The following ANKRD6 variants were observed in gnomAD, a reference collection of about 807,000 sequenced individuals.
The protein encoded by ANKRD6 is ankyrin repeat domain-containing protein 6.
ANKRD6 carries 56 observed loss-of-function variants against 82.3 expected under a neutral mutation model. The ratio of observed to expected loss-of-function variants is 0.68; its 90% CI spans 0.55 to 0.85. The LOEUF is 0.85. ANKRD6 is among the 40% of genes least tolerant of loss of function. ANKRD6 has a pLI of 0.00. For synonymous variants in ANKRD6, 347 were observed against 352.1 expected (o/e 0.99, Z 0.16); for missense variants, 852 against 907.6 (o/e 0.94, Z 0.79).
At chr6:89,468,787 A>G (rs1775132515) in intron 1 of ANKRD6, among the ~76,000 whole-genome samples, 1 of 152,148 alleles carries the variant, frequency 6.6e-6, no homozygotes, top group South Asian at 2.1e-4. Flanking sequence ...TGACAAATAT[A>G]GATGCTTTCC....
chr6:89,502,892 G>A (rs186081135), intron 1 of ANKRD6, among the ~76,000 whole-genome samples: 1 of 152,180 alleles, frequency 6.6e-6, no homozygotes, highest in East Asian at 1.9e-4. Context: ...TGGAGGTGGG[G>A]GTTGGCTGGT....
At chr6:89,577,587 G>A (rs1420904875) in intron 2 of ANKRD6, among the ~76,000 whole-genome samples, 2 of 152,194 alleles carry the variant, frequency 1.3e-5, no homozygotes, top group Non-Finnish European at 2.9e-5. Flanking sequence ...TCCCCAGGCA[G>A]AGTATCATTT....
At chr6:89,501,542 G>A (rs974400602) in intron 1 of ANKRD6, among the ~76,000 whole-genome samples, 1 of 152,184 alleles carries the variant, frequency 6.6e-6, no homozygotes, top group African/African-American at 2.4e-5. Context: ...TATTCACAGC[G>A]TGGCTTTTAC....
chr6:89,537,170 A>G (rs931014420), intron 1 of ANKRD6, among the ~76,000 whole-genome samples: 31 of 152,088 alleles, frequency 2.0e-4, no homozygotes, highest in Non-Finnish European at 3.2e-4. Flanking sequence ...GGCCTAGGGG[A>G]ATTTTGCTTT....
intron 2 of ANKRD6, among the ~76,000 whole-genome samples, chr6:89,575,302 G>A (rs1301232102): frequency 6.6e-6 from 1 of 152,178 alleles, no homozygotes; most frequent in Non-Finnish European, 1.5e-5. Context: ...CCTGCCTTGG[G>A]GGAAGAGGGA....
chr6:89,472,522 A>C (rs776740121), intron 1 of ANKRD6, among the ~76,000 whole-genome samples: 4 of 152,156 alleles, frequency 2.6e-5, no homozygotes, highest in Non-Finnish European at 5.9e-5. Context: ...GACTACACTT[A>C]TGATTTCTAT....
rs1000192295 is a variant in ANKRD6 at position 89,630,500 on chromosome 6, G to A, written c.1680G>A (p.Arg560=). 2 of 1,614,018 alleles carry A rather than the reference G, an allele frequency of 1.2e-6. No individual in the cohort carries two copies. The highest frequency in any genetic ancestry group is 1.7e-5 in the Admixed American group (1 of 60,026). ...CCGACAGCTCCCCTCCAGTGGTTAG[G>A]CCCAAAGAGAAGGCCCTCAACTCCA... ...AASDSSPPVV[R]PKEKALNSTA... is the part of the protein sequence containing the mutation. The change falls in exon 16 of 16, where the codon AGG becomes AGA. Residue 560 remains arginine, a synonymous_variant. Transcript: ENST00000339746.
At chr6:89,587,514 T>A (rs1218794815) in intron 2 of ANKRD6, among the ~76,000 whole-genome samples, 2 of 152,090 alleles carry the variant, frequency 1.3e-5, no homozygotes, top group African/African-American at 4.8e-5. Flanking sequence ...AGGAATTCTC[T>A]TATCAATTAA....
intron 7 of ANKRD6, among the ~76,000 whole-genome samples, chr6:89,614,839 A>G (rs1285414817): frequency 6.7e-5 from 1 of 14,994 alleles, no homozygotes. Flanking sequence ...TCTTTAAAGG[A>G]AAAAAAAAAA....
chr6:89,544,213 G>A (rs1784763282), intron 1 of ANKRD6, among the ~76,000 whole-genome samples: 1 of 150,826 alleles, frequency 6.6e-6, no homozygotes, highest in South Asian at 2.1e-4. Flanking sequence ...GGCAGTACCA[G>A]CATCTCCATT....
intron 1 of ANKRD6, among the ~76,000 whole-genome samples, chr6:89,435,578 G>A (rs764227597): frequency 1.2e-4 from 18 of 152,264 alleles, no homozygotes; most frequent in Non-Finnish European, 2.5e-4. Flanking sequence ...TCTCAAAGTC[G>A]GGGGATCTTT....
intron 1 of ANKRD6, among the ~76,000 whole-genome samples, chr6:89,439,187 T>C (rs1480741844): frequency 4.6e-5 from 7 of 152,130 alleles, no homozygotes; most frequent in Admixed American, 3.3e-4. Flanking sequence ...CATCCAACCA[T>C]GTAGAGAATT....
chr6:89,593,807 T>G (rs1017268123), intron 2 of ANKRD6, among the ~76,000 whole-genome samples: 2 of 152,190 alleles, frequency 1.3e-5, no homozygotes, highest in African/African-American at 4.8e-5. Context: ...GGAAACATGT[T>G]TGCTTGAGAA....
chr6:89,621,673 T>C (rs1244673087), intron 9 of ANKRD6: 2 of 487,140 alleles, frequency 4.1e-6, no homozygotes, highest in Non-Finnish European at 7.5e-6. Context: ...TCTGTAGTTA[T>C]TATCATCATA....
At position 89,463,157 on chromosome 6, in the gene ANKRD6, C is replaced by T. The variant is rs143036545; in HGVS notation, c.-144+29782C>T. Among the ~76,000 whole-genome samples the T allele has an allele frequency of 4.3e-3, 662 of 152,270 alleles. 3 individuals carry two copies. Among genetic ancestry groups the T allele is most frequent in the Middle Eastern group, 0.01 (3 of 294 alleles). ...TGTTGGGATTACAGCCATGAGCCAT[C>T]ATACCTGGCTATAATTTCTAATATA... On this transcript the variant is annotated intron_variant, in intron 1 of 15. Transcript: ENST00000339746.
intron 12 of ANKRD6, 128 bp downstream of exon 12, chr6:89,624,185 G>A: frequency 1.8e-6 from 2 of 1,101,880 alleles, no homozygotes; most frequent in Non-Finnish European, 2.5e-6. Context: ...TTGAAGGTAA[G>A]CCAGATGGCC....
At chr6:89,465,610 C>A (rs1178495783) in intron 1 of ANKRD6, among the ~76,000 whole-genome samples, 1 of 151,944 alleles carries the variant, frequency 6.6e-6, no homozygotes, top group African/African-American at 2.4e-5. Flanking sequence ...CCCATAATCC[C>A]AGTGCTTTGG....
chr6:89,563,291 G>A (rs1205493690), intron 1 of ANKRD6, among the ~76,000 whole-genome samples: 1 of 152,212 alleles, frequency 6.6e-6, no homozygotes, highest in African/African-American at 2.4e-5. Flanking sequence ...CAAAAATGGG[G>A]CAGTGGGCTG....
chr6:89,530,802 G>T (rs1400084725), intron 1 of ANKRD6, among the ~76,000 whole-genome samples: 1 of 152,188 alleles, frequency 6.6e-6, no homozygotes, highest in African/African-American at 2.4e-5. Flanking sequence ...GGGTGGAGAG[G>T]TTCCAGTAAC....
Sources: allele counts gnomAD v4.1 joint callset (sites outside exome capture counted in the v4.1 genomes callset), GRCh38; gene constraint gnomAD v4.1.1; transcripts MANE v1.5; gene names NCBI Gene and HGNC (gene_info 2026-07-23, HGNC 2026-07-21).